Variants in GSN observed in about 807,000 individuals in gnomAD.
The protein encoded by GSN is gelsolin.
Under a neutral mutation model 85.7 loss-of-function variants are expected in GSN, and 56 were observed. That is an observed-to-expected ratio of 0.65 (90% CI 0.53 to 0.82). The LOEUF (loss-of-function observed/expected upper bound fraction) is 0.82. GSN is among the 40% of genes least tolerant of loss of function. The probability of loss-of-function intolerance (pLI) is 0.00; values close to 1 mark genes in which losing one functional copy is unlikely to be tolerated. For missense variants in GSN, 857 were observed against 979.8 expected (o/e 0.87, Z 1.67); for synonymous variants, 373 against 399.1 (o/e 0.93, Z 0.78).
chr9:121,266,794 A>C (rs1277997453), upstream of GSN, among the ~76,000 whole-genome samples: 2 of 152,308 alleles, frequency 1.3e-5, no homozygotes, highest in East Asian at 3.9e-4. Context: ...GGAAGCCCAG[A>C]GCATGGCATG....
At chr9:121,216,243 C>T (rs1327144959) in intron 4 of GSN, among the ~76,000 whole-genome samples, 10 of 152,242 alleles carry the variant, frequency 6.6e-5, no homozygotes, top group South Asian at 2.1e-4. Flanking sequence ...CCACTGCACC[C>T]GGCCCATCAC....
chr9:121,284,743 G>A (rs1326429172), intron 2 of GSN: 1 of 167,162 alleles, frequency 6.0e-6, no homozygotes, highest in East Asian at 1.9e-4. Context: ...GGGTACCAGG[G>A]AGCCATGGAC....
At chr9:121,315,010 G>A (rs1188407292) in intron 7 of GSN, among the ~76,000 whole-genome samples, 3 of 152,112 alleles carry the variant, frequency 2.0e-5, no homozygotes, top group African/African-American at 7.2e-5. Flanking sequence ...ACAGATGTAC[G>A]CCACCACGCC....
chr9:121,271,890 C>T (rs1295584850), intron 1 of GSN, among the ~76,000 whole-genome samples: 1 of 152,224 alleles, frequency 6.6e-6, no homozygotes, highest in Non-Finnish European at 1.5e-5. Flanking sequence ...GACTGGTCCC[C>T]CCTTTTCATC....
At chr9:121,276,237 GT>G (rs777360707) in intron 1 of GSN, among the ~76,000 whole-genome samples, 2 of 152,216 alleles carry the variant, frequency 1.3e-5, no homozygotes, top group Admixed American at 1.3e-4. Flanking sequence ...GTGTTCATGT[GT>G]TAGGTTTTCT....
At chr9:121,308,824 G>A (rs1158449862) in intron 4 of GSN, 1 of 152,278 alleles carries the variant, frequency 6.6e-6, no homozygotes, top group Non-Finnish European at 1.5e-5. Context: ...TGCAGGCGAT[G>A]CGTGAAGAAT....
At position 121,310,796 on chromosome 9, in the gene GSN, C is replaced by A; in HGVS notation, c.464C>A (p.Ser155Tyr). ...RVVRATEVPV[S>Y]WESFNNGDCF... is the part of the protein sequence containing the mutation. ...GTCCGTGCCACCGAGGTACCTGTGTCCTGGGAGAGCTTCAACAATGGCGAC... is the reference window on the plus strand; with the variant it reads ...GTCCGTGCCACCGAGGTACCTGTGTACTGGGAGAGCTTCAACAATGGCGAC... Residue 155 changes from serine to tyrosine, a missense_variant, in exon 5 of 18, where the codon TCC (serine) becomes TAC (tyrosine). By Grantham distance (144) the Ser-to-Tyr change is moderately radical. Transcript: ENST00000432226. 6.2e-7 allele frequency: 1 copy of A among 1,614,158 alleles called. No homozygotes were observed.
intron 2 of GSN, among the ~76,000 whole-genome samples, chr9:121,297,354 T>C (rs950063159): frequency 2.6e-5 from 4 of 152,220 alleles, no homozygotes; most frequent in African/African-American, 9.7e-5. Context: ...TTTTAGTAGA[T>C]TTAATTGGTT....
At chr9:121,293,103 C>G (rs762035940) in intron 2 of GSN, among the ~76,000 whole-genome samples, 24 of 152,210 alleles carry the variant, frequency 1.6e-4, no homozygotes, top group Admixed American at 4.6e-4. Context: ...GCACCATCAT[C>G]TGATGTGCTG....
At chr9:121,310,560 G>A in intron 4 of GSN, 124 bp from the exon 5 acceptor site, 3 of 816,736 alleles carry the variant, frequency 3.7e-6, no homozygotes, top group Middle Eastern at 2.2e-4. Context: ...GAGAATCACT[G>A]TGTTGCTGGA....
At chr9:121,284,211 A>G (rs2057775230) in intron 2 of GSN, 1 of 167,088 alleles carries the variant, frequency 6.0e-6, no homozygotes, top group Non-Finnish European at 1.5e-5. Context: ...TCATTATCAG[A>G]ACCCTTGAAA....
chr9:121,238,940 A>T, intron 5 of GSN: 1 of 536,716 alleles, frequency 1.9e-6, no homozygotes, highest in Admixed American at 1.9e-5. Flanking sequence ...CCAATAGCAG[A>T]CTTCATGAAC....
At chr9:121,307,681 G>T (rs917982563) in intron 4 of GSN, among the ~76,000 whole-genome samples, 1 of 152,224 alleles carries the variant, frequency 6.6e-6, no homozygotes, top group African/African-American at 2.4e-5. Flanking sequence ...CTTAAAGCAG[G>T]TGCCCCAGCT....
intron 1 of GSN, chr9:121,280,218 T>A (rs1481714028): frequency 5.9e-5 from 9 of 152,274 alleles, no homozygotes; most frequent in Admixed American, 5.9e-4. Context: ...CCTCTGAATG[T>A]AGATGACTGG....
upstream of GSN, chr9:121,203,550 C>T (rs1434027488): frequency 6.6e-6 from 1 of 152,400 alleles, no homozygotes; most frequent in Non-Finnish European, 1.5e-5. Context: ...TCCCCACCCC[C>T]AAATTAAATC....
chr9:121,243,616 T>G (rs2054646071), intron 5 of GSN, among the ~76,000 whole-genome samples: 1 of 152,226 alleles, frequency 6.6e-6, no homozygotes, highest in Non-Finnish European at 1.5e-5. Flanking sequence ...TTGCTCTTGT[T>G]GCCCAGGCTG....
chr9:121,204,452 G>A (rs1389643576), upstream of GSN, among the ~76,000 whole-genome samples: 1 of 152,202 alleles, frequency 6.6e-6, no homozygotes, highest in Non-Finnish European at 1.5e-5. Flanking sequence ...AAACACTCTT[G>A]TGGATGCAGA....
intron 6 of GSN, among the ~76,000 whole-genome samples, chr9:121,248,823 A>T (rs1292691816): frequency 1.3e-5 from 2 of 152,122 alleles, no homozygotes; most frequent in African/African-American, 4.8e-5. Flanking sequence ...TCTGGGAAAG[A>T]AGGCGAGTAG....
rs994198005 is a variant in GSN, at chr9:121,331,000, C to T, written c.1966-388C>T. ...AATGAAGCAGGCTGGGCTGGGGAGA[C>T]GTGAAGGAGCAGTGGAGTCTGAGGC... On this transcript the variant is annotated intron_variant, in intron 16 of 17. Transcript: ENST00000432226. Among the ~76,000 whole-genome samples the T allele has an allele frequency of 5.9e-5, 9 of 152,172 alleles. No homozygotes were observed. The East Asian group carries it at 7.7e-4, about 13-fold the overall frequency.
Sources: allele counts gnomAD v4.1 joint callset (sites outside exome capture counted in the v4.1 genomes callset), GRCh38; gene constraint gnomAD v4.1.1; transcripts MANE v1.5; gene names NCBI Gene and HGNC (gene_info 2026-07-23, HGNC 2026-07-21).